Variants in LUZP2 observed in about 807,000 individuals in gnomAD.
The protein encoded by LUZP2 is leucine zipper protein 2.
Under a neutral mutation model 51.6 loss-of-function variants are expected in LUZP2, and 52 were observed. That is an observed-to-expected ratio of 1.01 (90% CI 0.81 to 1.27). The LOEUF is 1.27. Ranked by LOEUF, LUZP2 falls within the 50% of genes most tolerant of loss-of-function variation. The pLI, the probability that LUZP2 is intolerant of heterozygous loss-of-function variation, is 0.00. For synonymous variants in LUZP2, 154 were observed against 137.3 expected, an observed-to-expected ratio of 1.12 and a Z score of -0.85; for missense variants, 436 against 395.4, an observed-to-expected ratio of 1.10 and a Z score of -0.87.
At chr11:24,819,797 T>C (rs1313423647) in intron 5 of LUZP2, among the ~76,000 whole-genome samples, 4 of 152,120 alleles carry the variant, frequency 2.6e-5, no homozygotes, top group Non-Finnish European at 5.9e-5. Flanking sequence ...GTATACATTG[T>C]AGAGTTAAGT....
chr11:25,047,862 G>C (rs981880459), intron 9 of LUZP2, among the ~76,000 whole-genome samples: 1 of 151,976 alleles, frequency 6.6e-6, no homozygotes, highest in Non-Finnish European at 1.5e-5. Flanking sequence ...ACCCTATGCC[G>C]GGTAAGAGTG....
intron 1 of LUZP2, among the ~76,000 whole-genome samples, chr11:24,508,991 A>G (rs935077148): frequency 3.3e-5 from 5 of 152,138 alleles, no homozygotes; most frequent in Admixed American, 1.3e-4. Flanking sequence ...TTTGATGGCT[A>G]GATATTTGGG....
chr11:24,914,086 A>C (rs554930850), intron 6 of LUZP2, among the ~76,000 whole-genome samples: 1 of 152,234 alleles, frequency 6.6e-6, no homozygotes, highest in East Asian at 1.9e-4. Flanking sequence ...AATTTATTCT[A>C]ATTTAATTTA....
At chr11:24,951,559 C>T (rs1027294370) in intron 7 of LUZP2, among the ~76,000 whole-genome samples, 2 of 151,526 alleles carry the variant, frequency 1.3e-5, no homozygotes, top group African/African-American at 2.4e-5. Flanking sequence ...GATTGTTCCA[C>T]GTTTGTGCTT....
intron 3 of LUZP2, among the ~76,000 whole-genome samples, chr11:24,737,804 G>A (rs1447053671): frequency 6.6e-6 from 1 of 152,034 alleles, no homozygotes; most frequent in Non-Finnish European, 1.5e-5. Flanking sequence ...TTAATTAAGA[G>A]CATCAGAAGG....
chr11:25,020,576 A>G (rs985219352), intron 9 of LUZP2, among the ~76,000 whole-genome samples: 5 of 152,102 alleles, frequency 3.3e-5, no homozygotes, highest in African/African-American at 9.6e-5. Flanking sequence ...TTGCAGAGTT[A>G]TATTCTTGGT....
At chr11:24,824,905 A>C (rs1850478881) in intron 5 of LUZP2, among the ~76,000 whole-genome samples, 1 of 152,130 alleles carries the variant, frequency 6.6e-6, no homozygotes, top group African/African-American at 2.4e-5. Flanking sequence ...ATGCCAAATA[A>C]AATTTTTGCT....
chr11:25,045,482 A>G (rs1376078530), intron 9 of LUZP2, among the ~76,000 whole-genome samples: 3 of 152,006 alleles, frequency 2.0e-5, no homozygotes, highest in Non-Finnish European at 4.4e-5. Context: ...TCCATCTAAA[A>G]TGTCAAAGTC....
chr11:25,074,520 G>A (rs556862799), intron 10 of LUZP2, among the ~76,000 whole-genome samples: 3 of 152,102 alleles, frequency 2.0e-5, no homozygotes, highest in Non-Finnish European at 2.9e-5. Flanking sequence ...GGCTTATCTC[G>A]AATAGTTGGT....
chr11:24,753,299 C>A (rs1427984596), intron 4 of LUZP2, among the ~76,000 whole-genome samples: 4 of 152,060 alleles, frequency 2.6e-5, no homozygotes, highest in Non-Finnish European at 5.9e-5. Flanking sequence ...GGGGAAGGGG[C>A]AAGAAGCTTC....
intron 5 of LUZP2, among the ~76,000 whole-genome samples, chr11:24,866,153 C>T (rs980544474): frequency 3.4e-4 from 28 of 83,534 alleles, no homozygotes; most frequent in African/African-American, 8.5e-4. Context: ...CACACACACA[C>T]GTATATATTT....
intron 1 of LUZP2, among the ~76,000 whole-genome samples, chr11:24,508,177 G>A (rs1850196368): frequency 6.6e-6 from 1 of 151,942 alleles, no homozygotes; most frequent in Non-Finnish European, 1.5e-5. Context: ...TAAATTCAAA[G>A]GCCAGGTGGC....
chr11:24,568,125 C>A (rs1852302184), intron 1 of LUZP2, among the ~76,000 whole-genome samples: 1 of 152,018 alleles, frequency 6.6e-6, no homozygotes, highest in African/African-American at 2.4e-5. Flanking sequence ...GAATATGTTG[C>A]AAATTGCAAT....
rs796831446 is a variant in LUZP2 at position 24,566,332 on chromosome 11, T to A, written c.62+69027T>A. Among the ~76,000 whole-genome samples the A allele has an allele frequency of 3.1e-3, 413 of 132,600 alleles. 4 individuals are homozygous for A. The highest frequency in any genetic ancestry group is 0.011 in the African/African-American group (377 of 34,904). 87.0% of individuals were successfully genotyped at this position (132,600 alleles called of 152,430 possible). A position where few individuals can be genotyped will look rare whatever the true frequency, so the allele number is the denominator to read the frequency against. ...TTTATTGTATTATTTATTTATTTTT[T>A]TTTTTTTTTTTTTTTTGAGACGTAG... On this transcript the variant is annotated intron_variant, in intron 1 of 11. Coordinates refer to ENST00000336930, the MANE Select transcript of LUZP2 (RefSeq NM_001009909.4).
At chr11:24,566,083 A>G (rs565042055) in intron 1 of LUZP2, among the ~76,000 whole-genome samples, 297 of 151,932 alleles carry the variant, frequency 2.0e-3, no homozygotes, top group Non-Finnish European at 3.8e-3. Context: ...TACATATAGA[A>G]AAAATGCGAC....
At chr11:24,833,514 G>A (rs2631489) in intron 5 of LUZP2, among the ~76,000 whole-genome samples, 141,127 of 152,172 alleles carry the variant, frequency 0.93, 66,134 homozygotes, top group East Asian at 1. Context: ...GACATACCCA[G>A]GGAGAGATCT....
intron 1 of LUZP2, among the ~76,000 whole-genome samples, chr11:24,533,295 G>A (rs1281896973): frequency 6.6e-6 from 1 of 151,044 alleles, no homozygotes; most frequent in Non-Finnish European, 1.5e-5. Context: ...GTCTTCTCAG[G>A]CATTGATCAG....
chr11:24,890,166 A>G (rs564598143), intron 5 of LUZP2, among the ~76,000 whole-genome samples: 11 of 152,338 alleles, frequency 7.2e-5, no homozygotes, highest in Admixed American at 2.6e-4. Context: ...GAATTAATAA[A>G]TGAGCAAATA....
chr11:24,955,725 A>T (rs1444713001), intron 7 of LUZP2, among the ~76,000 whole-genome samples: 1 of 152,014 alleles, frequency 6.6e-6, no homozygotes, highest in African/African-American at 2.4e-5. Context: ...AGGCAACATT[A>T]TTATCGGCGT....
Sources: allele counts gnomAD v4.1 joint callset (sites outside exome capture counted in the v4.1 genomes callset), GRCh38; gene constraint gnomAD v4.1.1; transcripts MANE v1.5; gene names NCBI Gene and HGNC (gene_info 2026-07-23, HGNC 2026-07-21).